Variants in S100Z observed in about 807,000 individuals in gnomAD.
S100Z encodes protein S100-Z.
In S100Z, 11 loss-of-function variants were observed where a neutral mutation model predicts 8.5. That is an observed-to-expected ratio of 1.30 (90% CI 0.82 to 2.15). The LOEUF is 2.15. S100Z is among the 30% of genes most tolerant of loss of function. S100Z has a pLI of 0.00. For synonymous variants in S100Z, 34 were observed against 43.8 expected (o/e 0.78, Z 0.89); for missense variants, 126 against 117.9 (o/e 1.07, Z -0.32).
chr5:76,894,817 G>A (rs950336748), intron 4 of S100Z, among the ~76,000 whole-genome samples: 3 of 151,972 alleles, frequency 2.0e-5, no homozygotes, highest in Non-Finnish European at 4.4e-5. Context: ...TTGAACCCCT[G>A]ACCTCAGGTG....
intron 4 of S100Z, among the ~76,000 whole-genome samples, chr5:76,918,474 T>G (rs1240533319): frequency 6.6e-6 from 1 of 152,230 alleles, no homozygotes; most frequent in Non-Finnish European, 1.5e-5. Context: ...CCCAAAGTGC[T>G]GGGATTACAG....
chr5:76,887,113 T>TTC (rs1214267492), intron 4 of S100Z, among the ~76,000 whole-genome samples: 16 of 151,586 alleles, frequency 1.1e-4, no homozygotes, highest in Admixed American at 8.5e-4. Context: ...TTTTTTTTTT[T>TTC]TCGAGACAGA....
intron 4 of S100Z, among the ~76,000 whole-genome samples, chr5:76,917,497 C>A (rs1044427922): frequency 6.6e-6 from 1 of 152,144 alleles, no homozygotes; most frequent in Admixed American, 6.6e-5. Flanking sequence ...AGTAGCCATT[C>A]AGCTATATGG....
chr5:76,892,849 A>G (rs903121672), intron 4 of S100Z, among the ~76,000 whole-genome samples: 1 of 152,170 alleles, frequency 6.6e-6, no homozygotes, highest in South Asian at 2.1e-4. Flanking sequence ...TAGAAGAAGC[A>G]ATCAAGTATG....
chr5:76,866,806 C>T (rs993892997), intron 1 of S100Z, among the ~76,000 whole-genome samples: 5 of 152,154 alleles, frequency 3.3e-5, no homozygotes, highest in Non-Finnish European at 7.3e-5. Flanking sequence ...CCTAATGACG[C>T]ATTTCTCAGA....
intron 2 of S100Z, among the ~76,000 whole-genome samples, chr5:76,873,707 G>A (rs2150637554): frequency 6.6e-6 from 1 of 152,292 alleles, no homozygotes; most frequent in East Asian, 1.9e-4. Context: ...CAGATGGGAT[G>A]GTTGAGGTTA....
chr5:76,924,761 T>C (rs906022853), downstream of S100Z, among the ~76,000 whole-genome samples: 2 of 151,982 alleles, frequency 1.3e-5, no homozygotes, highest in African/African-American at 4.8e-5. Flanking sequence ...AATACAAAAA[T>C]TAGCCGGGCA....
rs146055376 is a variant in S100Z, at chr5:76,850,333, G to GCAGA, written c.-176+178_-176+179insCAGA. Among the ~76,000 whole-genome samples, 1,145 of 122,580 alleles carry GCAGA rather than the reference G, an allele frequency of 9.3e-3. 8 individuals are homozygous for GCAGA. Among genetic ancestry groups the GCAGA allele is most frequent in the East Asian group, 0.035 (152 of 4,334 alleles). The allele number at this position is 122,580 out of a possible 152,430, so 80.4% of individuals were successfully genotyped here. A position where few individuals can be genotyped will look rare whatever the true frequency, so the allele number is the denominator to read the frequency against. On this transcript the variant is annotated intron_variant, in intron 1 of 4. Coordinates refer to ENST00000317593, the MANE Select transcript of S100Z (RefSeq NM_130772.4). ...TGGCCACAAAGGGGTCGGGGGGGTG[G>GCAGA]GGGAGAGAGAGAGAGAGAGAGAGAG...
chr5:76,930,975 G>A, the S100Z span, among the ~76,000 whole-genome samples: 10 of 152,174 alleles, frequency 6.6e-5, no homozygotes, highest in East Asian at 1.9e-4. Context: ...GAATGGGGTC[G>A]GCAAAGTTAA....
At chr5:76,888,332 T>C (rs1246580550) in intron 4 of S100Z, among the ~76,000 whole-genome samples, 1 of 149,316 alleles carries the variant, frequency 6.7e-6, no homozygotes, top group Non-Finnish European at 1.5e-5. Flanking sequence ...TTGGGAAGTT[T>C]TCTTTTTTTT....
Position 76,877,839 on chromosome 5 carries a change from G to C in S100Z, c.*2+5G>C. The C allele has an allele frequency of 6.2e-7, 1 of 1,601,420 alleles. No individual in the cohort carries two copies. On this transcript the variant is annotated splice_donor_5th_base_variant and intron_variant, in intron 4 of 4. Coordinates refer to ENST00000317593, the MANE Select transcript of S100Z (RefSeq NM_130772.4). ...GAAGAAGAAAGGAAAATAAAGGTAA[G>C]TAATAAGCTCATCTAAAGGCAGAAA... is the stretch of plus-strand genomic sequence containing the variant.
chr5:76,890,204 A>G (rs1286933979), intron 4 of S100Z, among the ~76,000 whole-genome samples: 1 of 151,998 alleles, frequency 6.6e-6, no homozygotes, highest in Non-Finnish European at 1.5e-5. Flanking sequence ...TTATATTTTT[A>G]GTAGAGATGG....
intron 4 of S100Z, among the ~76,000 whole-genome samples, chr5:76,914,721 G>A (rs544152406): frequency 3.2e-4 from 48 of 152,138 alleles, no homozygotes; most frequent in Admixed American, 2.2e-3. Context: ...TCACCGCGAA[G>A]GTCTGCAGCT....
At chr5:76,900,231 C>T (rs1744183004) in intron 4 of S100Z, among the ~76,000 whole-genome samples, 1 of 152,140 alleles carries the variant, frequency 6.6e-6, no homozygotes, top group Non-Finnish European at 1.5e-5. Context: ...GTTAAACCTG[C>T]TTAGTGTTCT....
chr5:76,922,519 GTTGT>G (rs70982665), downstream of S100Z, among the ~76,000 whole-genome samples: 36 of 151,490 alleles, frequency 2.4e-4, no homozygotes, highest in African/African-American at 6.8e-4. Context: ...TTTTTTTGTT[GTTGT>G]TTGTTTGTTT....
At chr5:76,940,312 C>T in the S100Z span, among the ~76,000 whole-genome samples, 1 of 152,204 alleles carries the variant, frequency 6.6e-6, no homozygotes, top group Admixed American at 6.5e-5. Flanking sequence ...GAAGGTTTTG[C>T]AGCCTGGTGG....
At chr5:76,936,032 G>A in the S100Z span, among the ~76,000 whole-genome samples, 387 of 152,092 alleles carry the variant, frequency 2.5e-3, no homozygotes, top group African/African-American at 9.0e-3. Context: ...CCACCTCGGC[G>A]TCCCCAAGTA....
chr5:76,914,941 A>T (rs1421459363), intron 4 of S100Z, among the ~76,000 whole-genome samples: 1 of 152,020 alleles, frequency 6.6e-6, no homozygotes, highest in Non-Finnish European at 1.5e-5. Context: ...GAACTGTAAC[A>T]CTCACCGCAA....
In S100Z at chr5:76,866,042, CA is replaced by C. The variant is rs371012983; in HGVS notation, c.-175-4123del. ...AGAAAAAAAGAAAAAAAAAAAGTTACAGTAAGGTAAGGTTAACTTATTTTGA... is the reference window on the plus strand; with the variant it reads ...AGAAAAAAAGAAAAAAAAAAAGTTACGTAAGGTAAGGTTAACTTATTTTGA... On this transcript the variant is annotated intron_variant, in intron 1 of 4. Coordinates refer to ENST00000317593, the MANE Select transcript of S100Z (RefSeq NM_130772.4). Among the ~76,000 whole-genome samples the C allele has an allele frequency of 2.4e-3, 358 of 151,032 alleles. 1 individual carries two copies. Among genetic ancestry groups the C allele is most frequent in the African/African-American group, 8.1e-3 (334 of 41,174 alleles).
Sources: gnomAD v4.1 joint callset for allele counts (sites outside exome capture counted in the v4.1 genomes callset) on GRCh38, gnomAD v4.1.1 for gene constraint, MANE v1.5 for transcripts, NCBI Gene and HGNC (gene_info 2026-07-23, HGNC 2026-07-21) for gene names.